Variants in TNR observed in about 807,000 individuals in gnomAD.
TNR encodes tenascin R, also known as tenascin-R.
Under a neutral mutation model 150.4 loss-of-function variants are expected in TNR, and 45 were observed. The observed-to-expected ratio is 0.30, with a 90% CI of 0.24 to 0.38. TNR has a LOEUF of 0.38. Ranked by LOEUF, TNR falls within the 10% of genes least tolerant of loss-of-function variation. The pLI is 1.00. For missense variants in TNR, 1,544 were observed against 1,759.1 expected (o/e 0.88, Z 2.19); for synonymous variants, 687 against 678.4 (o/e 1.01, Z -0.20).
At chr1:175,630,078 T>C (rs929920677) in intron 1 of TNR, among the ~76,000 whole-genome samples, 3 of 152,180 alleles carry the variant, frequency 2.0e-5, no homozygotes, top group African/African-American at 7.2e-5. Flanking sequence ...TCTGGAGACC[T>C]GCCTGCCACG....
chr1:175,349,603 T>C (rs1182723190), intron 18 of TNR, among the ~76,000 whole-genome samples: 2 of 152,132 alleles, frequency 1.3e-5, no homozygotes, highest in Non-Finnish European at 2.9e-5. Context: ...ACAAATTTAA[T>C]GTATCAAATG....
intron 1 of TNR, among the ~76,000 whole-genome samples, chr1:175,686,851 T>C (rs1666215177): frequency 6.6e-6 from 1 of 152,202 alleles, no homozygotes; most frequent in African/African-American, 2.4e-5. Context: ...TAGTATTCCA[T>C]GGTGTACATG....
rs1651772129 is a variant in TNR, at chr1:175,365,110, A to G, written c.2487T>C (p.Ala829=). The G allele has an allele frequency of 6.2e-7, 1 of 1,613,938 alleles. No homozygotes were observed. Among genetic ancestry groups the G allele is most frequent in the Non-Finnish European group, 8.5e-7 (1 of 1,179,990 alleles). ...TGGCTGGTTGCAGGCCCATCAGGAC[A>G]GCATGCCTCTTGGTGGCATCCAGGG... ...EVSLDATKRH[A]VLMGLQPATE... Residue 829 remains alanine (A), a synonymous_variant, in exon 12 of 23, where the codon GCT becomes GCC. Transcript: ENST00000367674.
intron 2 of TNR, among the ~76,000 whole-genome samples, chr1:175,500,595 A>G (rs530295874): frequency 5.6e-4 from 86 of 152,336 alleles, no homozygotes; most frequent in Non-Finnish European, 1.1e-3. Flanking sequence ...TACACGACTC[A>G]GCTAGAGTTT....
At chr1:175,523,773 T>C (rs921284122) in intron 2 of TNR, among the ~76,000 whole-genome samples, 13 of 152,328 alleles carry the variant, frequency 8.5e-5, no homozygotes, top group African/African-American at 3.1e-4. Flanking sequence ...AACATGATCA[T>C]GTCACTCCTG....
At chr1:175,372,145 G>A (rs937354516) in intron 9 of TNR, among the ~76,000 whole-genome samples, 11 of 152,122 alleles carry the variant, frequency 7.2e-5, no homozygotes, top group South Asian at 2.1e-4. Flanking sequence ...CTACTCCTCC[G>A]GCTTCCCGCA....
At chr1:175,673,024 A>C (rs1665749680) in intron 1 of TNR, among the ~76,000 whole-genome samples, 1 of 152,132 alleles carries the variant, frequency 6.6e-6, no homozygotes, top group Non-Finnish European at 1.5e-5. Flanking sequence ...CTGACCTCTG[A>C]AGCCACACAG....
At chr1:175,486,747 A>G (rs953226164) in intron 2 of TNR, among the ~76,000 whole-genome samples, 2 of 152,238 alleles carry the variant, frequency 1.3e-5, no homozygotes, top group Admixed American at 1.3e-4. Flanking sequence ...CCAACAGTGT[A>G]AAAGCTTTCC....
intron 1 of TNR, among the ~76,000 whole-genome samples, chr1:175,536,858 C>A (rs533621451): frequency 5.3e-5 from 8 of 152,326 alleles, no homozygotes; most frequent in Non-Finnish European, 1.0e-4. Flanking sequence ...CACCCACTAA[C>A]CCCCAATTCA....
At chr1:175,610,844 G>A (rs142456193) in intron 1 of TNR, among the ~76,000 whole-genome samples, 1,625 of 152,306 alleles carry the variant, frequency 0.011, 8 homozygotes, top group Non-Finnish European at 0.019. Flanking sequence ...ACTCCTGGAG[G>A]AGATGCCACC....
chr1:175,426,882 A>T (rs12126084), intron 2 of TNR, among the ~76,000 whole-genome samples: 14 of 51,018 alleles, frequency 2.7e-4, no homozygotes, highest in African/African-American at 1.4e-3. Context: ...TATATATATA[A>T]AATATAAATA....
chr1:175,453,589 ATC>A (rs1227901016), intron 2 of TNR, among the ~76,000 whole-genome samples: 1 of 152,072 alleles, frequency 6.6e-6, no homozygotes, highest in African/African-American at 2.4e-5. Context: ...GAGACAAGGC[ATC>A]TCTCTGTCAT....
chr1:175,434,493 A>G (rs975715736), intron 2 of TNR, among the ~76,000 whole-genome samples: 3 of 152,118 alleles, frequency 2.0e-5, no homozygotes, highest in Non-Finnish European at 4.4e-5. Context: ...CCTTCCCGCC[A>G]TTTGCCCTGG....
chr1:175,397,738 C>T (rs550802602), intron 4 of TNR, among the ~76,000 whole-genome samples: 2 of 152,294 alleles, frequency 1.3e-5, no homozygotes, highest in South Asian at 4.1e-4. Context: ...TCTTGAGGAC[C>T]TTGCTTTACT....
At chr1:175,650,718 C>CACCTCATTAT (rs1558054559) in intron 1 of TNR, among the ~76,000 whole-genome samples, 1 of 101,422 alleles carries the variant, frequency 9.9e-6, no homozygotes, top group African/African-American at 4.0e-5. Flanking sequence ...ACCCCTCCCC[C>CACCTCATTAT]TACCCCTCCC....
intron 1 of TNR, among the ~76,000 whole-genome samples, chr1:175,705,055 C>A (rs1666808867): frequency 6.6e-6 from 1 of 152,162 alleles, no homozygotes; most frequent in Non-Finnish European, 1.5e-5. Context: ...GGGCTAAGGG[C>A]AGGAAGGTCT....
chr1:175,673,943 G>A (rs1479166774), intron 1 of TNR, among the ~76,000 whole-genome samples: 2 of 152,222 alleles, frequency 1.3e-5, no homozygotes, highest in Admixed American at 6.5e-5. Context: ...CATCCACCTA[G>A]GAGGTGCTGG....
At chr1:175,469,323 A>G (rs1165972118) in intron 2 of TNR, among the ~76,000 whole-genome samples, 1 of 152,194 alleles carries the variant, frequency 6.6e-6, no homozygotes, top group Non-Finnish European at 1.5e-5. Flanking sequence ...ACAGGCTAAG[A>G]GAGACCCAAT....
intron 9 of TNR, among the ~76,000 whole-genome samples, chr1:175,370,469 C>G (rs1009757912): frequency 2.0e-5 from 3 of 146,832 alleles, no homozygotes; most frequent in Admixed American, 7.1e-5. Flanking sequence ...TGGGGCTTAG[C>G]CTGTTGGCTC....
Sources: allele counts gnomAD v4.1 joint callset (sites outside exome capture counted in the v4.1 genomes callset), GRCh38; gene constraint gnomAD v4.1.1; transcripts MANE v1.5; gene names NCBI Gene and HGNC (gene_info 2026-07-23, HGNC 2026-07-21).